CRELD1: variants seen among roughly 807,000 people sequenced by gnomAD.
CRELD1 encodes the protein CRELD disulfide isomerase 1, also known as protein disulfide isomerase CRELD1.
CRELD1 carries 42 observed loss-of-function variants against 58.2 expected under a neutral mutation model. That is an observed-to-expected ratio of 0.72 (90% CI 0.56 to 0.93). The LOEUF (loss-of-function observed/expected upper bound fraction) is 0.93, where lower values mean the gene tolerates loss of function less well. CRELD1 is among the 40% of genes least tolerant of loss of function. The pLI, the probability that CRELD1 is intolerant of heterozygous loss-of-function variation, is 0.00. For missense variants in CRELD1, 500 were observed against 540.6 expected (o/e 0.92, Z 0.74); for synonymous variants, 222 against 202.0 (o/e 1.10, Z -0.84).
intron 5 of CRELD1, 46 bp downstream of exon 5, chr3:9,938,152 C>T: frequency 7.2e-7 from 1 of 1,397,822 alleles, no homozygotes; most frequent in Non-Finnish European, 1.0e-6. Flanking sequence ...ACCACCGAGT[C>T]CAGGGATCCA....
chr3:9,937,531 G>A, intron 3 of CRELD1, 31 bp from the exon 4 acceptor site: 1 of 1,500,736 alleles, frequency 6.7e-7, no homozygotes, highest in Non-Finnish European at 9.2e-7. Flanking sequence ...GGTGGGGCAT[G>A]TTTCCCACCA....
chr3:9,934,711 C>T, intron 2 of CRELD1, 99 bp downstream of exon 2: 2 of 1,525,584 alleles, frequency 1.3e-6, no homozygotes, highest in Non-Finnish European at 1.8e-6. Flanking sequence ...ATCTTGGTCT[C>T]TTACTAGTTG....
Position 9,934,628 on chromosome 3 carries a change from G to C in CRELD1, c.174+16G>C. The C allele has an allele frequency of 6.2e-7, 1 of 1,611,756 alleles. No homozygotes were observed. Among genetic ancestry groups the C allele is most frequent in the African/African-American group, 1.3e-5 (1 of 75,008 alleles). On this transcript the variant is annotated intron_variant, in intron 2 of 10. Coordinates refer to ENST00000452070, the MANE Select transcript of CRELD1 (RefSeq NM_001077415.3). ...CTTTAACAAGGTGGGTGCACCGGCA[G>C]CCTCGTTAGAGGGGAACACAGCGAT...
chr3:9,943,991 AAGATGC>A, intron 10 of CRELD1: 1 of 1,026,818 alleles, frequency 9.7e-7, no homozygotes, highest in East Asian at 2.4e-5. Context: ...TGTAAAAATG[AAGATGC>A]AGAGAGATGA....
intron 10 of CRELD1, chr3:9,943,951 G>A (rs2085445002): frequency 1.4e-6 from 2 of 1,387,722 alleles, no homozygotes; most frequent in Admixed American, 3.3e-5. Context: ...CCCGACGCTG[G>A]AAGTTGGGTT....
chr3:9,936,874 G>A (rs577445571), intron 3 of CRELD1, among the ~76,000 whole-genome samples: 8 of 152,242 alleles, frequency 5.3e-5, no homozygotes, highest in African/African-American at 7.2e-5. Flanking sequence ...CACCCATACC[G>A]TAGCATATAT....
chr3:9,943,455 T>C lies in CRELD1; in HGVS notation c.988T>C (p.Cys330Arg), dbSNP rs1318047624. ...QCENTEGGYR[C>R]ICAEGYKQME... is the part of the protein sequence containing the mutation. ...TGAAAACACCGAGGGCGGTTATCGCTGCATCTGTGCCGAGGGCTACAAGCA... is the reference window on the plus strand; with the variant it reads ...TGAAAACACCGAGGGCGGTTATCGCCGCATCTGTGCCGAGGGCTACAAGCA... Residue 330 changes from cysteine to arginine, a missense_variant, in exon 10 of 11, where the codon TGC becomes CGC. Coordinates refer to ENST00000452070, the MANE Select transcript of CRELD1 (RefSeq NM_001077415.3). 6.2e-7 allele frequency: 1 copy of C among 1,613,992 alleles called. No individual in the cohort carries two copies. The highest frequency in any genetic ancestry group is 2.2e-5 in the East Asian group (1 of 44,834).
intron 10 of CRELD1, 24 bp from the exon 11 acceptor site, chr3:9,944,341 G>C (rs1318179393): frequency 6.3e-7 from 1 of 1,596,488 alleles, no homozygotes. Flanking sequence ...CGAGTGCCAG[G>C]CTGCATCTCT....
Position 9,938,064 on chromosome 3 carries a change from A to G in CRELD1, c.418A>G (p.Lys140Glu). ...LFQWLCSDSL[K>E]LCCPAGTFGP... is the part of the protein sequence containing the mutation. ...CCAGTGGCTGTGCTCAGATTCCCTG[A>G]AGCTCTGCTGCCCCGCAGGCACCTT... is the stretch of plus-strand genomic sequence containing the variant. The change falls in exon 5 of 11, where the codon AAG becomes GAG. Residue 140 changes from lysine (K) to glutamate (E), a missense_variant. Transcript: ENST00000452070. The G allele has an allele frequency of 6.2e-7, 1 of 1,613,972 alleles. No homozygotes were observed.
chr3:9,941,004 C>T lies in CRELD1; in HGVS notation c.615C>T (p.Asn205=), dbSNP rs753684016. The T allele has an allele frequency of 5.6e-6, 9 of 1,614,032 alleles. No homozygotes were observed. The highest frequency in any genetic ancestry group is 2.7e-5 in the African/African-American group (2 of 74,916). ...CGLGYFEAER[N]ASHLVCSACF... ...TTGGCTACTTTGAGGCAGAACGCAA[C>T]GCCAGCCATCTGGTATGTTCGGGTA... Residue 205 remains asparagine (N), a synonymous_variant, in exon 6 of 11, where the codon AAC becomes AAT. Transcript: ENST00000452070.
chr3:9,935,473 TCA>T (rs1210700711), intron 3 of CRELD1, among the ~76,000 whole-genome samples: 1 of 152,120 alleles, frequency 6.6e-6, no homozygotes, highest in Non-Finnish European at 1.5e-5. Context: ...TAAAGATTAC[TCA>T]CACTGCTATG....
Position 9,941,240 on chromosome 3 carries a change from G to A in CRELD1, c.733+34G>A, listed in dbSNP as rs201938155. On this transcript the variant is annotated intron_variant, in intron 7 of 10. Transcript: ENST00000452070. ...GGCCCTAGCTAGGTCTGGGAAGATG[G>A]TCAGGGGCCTGGGCTTGGTCCTTTA... 15 of 1,583,250 alleles carry A rather than the reference G, an allele frequency of 9.5e-6. No homozygotes were observed. The East Asian group carries it at 2.5e-4, about 26-fold the overall frequency.
At chr3:9,938,184 C>T (rs966140248) in intron 5 of CRELD1, 78 bp downstream of exon 5, 29 of 1,145,900 alleles carry the variant, frequency 2.5e-5, no homozygotes, top group South Asian at 8.8e-5. Flanking sequence ...GTCCCTAGTT[C>T]GCTGTGTGAA....
In CRELD1 at chr3:9,938,017, A is replaced by C. The variant is rs781333885; in HGVS notation, c.371A>C (p.Gln124Pro). The change falls in exon 5 of 11, where the codon CAG (glutamine) becomes CCG (proline). Residue 124 changes from glutamine (Q) to proline (P), a missense_variant and splice_region_variant. Transcript: ENST00000452070. ...ELVESWWFHK[Q>P]QEAPDLFQWL... Reference sequence around the variant, plus strand: ...CCTCCACCCTGCCCCTGCCTCAGGCAGCAGGAGGCCCCGGACCTCTTCCAG... The same window carrying C: ...CCTCCACCCTGCCCCTGCCTCAGGCCGCAGGAGGCCCCGGACCTCTTCCAG... The C allele has an allele frequency of 1.1e-5, 18 of 1,611,660 alleles. No homozygotes were observed. The East Asian group carries it at 3.1e-4, about 28-fold the overall frequency.
rs1040187273 is a variant in CRELD1, at chr3:9,937,749, A to T, written c.368+77A>T. The T allele has an allele frequency of 4.4e-5, 46 of 1,048,422 alleles. 1 individual carries two copies. Among genetic ancestry groups the T allele is most frequent in the Non-Finnish European group, 6.7e-5 (46 of 686,722 alleles). The allele number at this position is 1,048,422 out of a possible 1,614,324, so 64.9% of individuals were successfully genotyped here. On this transcript the variant is annotated intron_variant, in intron 4 of 10. Coordinates refer to ENST00000452070, the MANE Select transcript of CRELD1 (RefSeq NM_001077415.3). Reference sequence around the variant, plus strand: ...ATAAGGCCTGATTTGGCCGAGAAGCAGGGGGGTGCATGCTGGGGCCCATGT... The same window carrying T: ...ATAAGGCCTGATTTGGCCGAGAAGCTGGGGGGTGCATGCTGGGGCCCATGT...
intron 1 of CRELD1, 29 bp from the exon 2 acceptor site, chr3:9,934,391 T>G: frequency 6.5e-7 from 1 of 1,550,086 alleles, no homozygotes; most frequent in South Asian, 1.1e-5. Flanking sequence ...ACTCCTTCAG[T>G]GAAGCCTCTC....
chr3:9,934,539 C>T lies in CRELD1; in HGVS notation c.101C>T (p.Pro34Leu), dbSNP rs1348501427. 1.2e-6 allele frequency: 2 copies of T among 1,614,028 alleles called. No homozygotes were observed. The highest frequency in any genetic ancestry group is 1.7e-6 in the Non-Finnish European group (2 of 1,180,028). ...CCTATCTGGCTCCAGCCCTCTCCAC[C>T]TCCCCAGTCTTCTCCCCCGCCTCAG... ...PGPIWLQPSP[P>L]PQSSPPPQPH... Residue 34 changes from proline (P) to leucine (L), a missense_variant, in exon 2 of 11, where the codon CCT becomes CTT. Coordinates refer to ENST00000452070, the MANE Select transcript of CRELD1 (RefSeq NM_001077415.3).
intron 3 of CRELD1, 76 bp from the exon 4 acceptor site, chr3:9,937,486 A>C: frequency 1.1e-6 from 1 of 922,132 alleles, no homozygotes; most frequent in Non-Finnish European, 1.8e-6. Flanking sequence ...CGCACGAGGA[A>C]GGGTGGAGAG....
chr3:9,942,971 C>T, intron 8 of CRELD1, 75 bp downstream of exon 8: 2 of 1,545,496 alleles, frequency 1.3e-6, no homozygotes, highest in Non-Finnish European at 1.8e-6. Context: ...CCCTCCAAAC[C>T]TTCCCCTTCT....
Sources: allele counts gnomAD v4.1 joint callset (sites outside exome capture counted in the v4.1 genomes callset), GRCh38; gene constraint gnomAD v4.1.1; transcripts MANE v1.5; gene names NCBI Gene and HGNC (gene_info 2026-07-23, HGNC 2026-07-21).